Variants in EVC2 observed in about 807,000 individuals in gnomAD.
EVC2 encodes limbin.
Under a neutral mutation model 149.3 loss-of-function variants are expected in EVC2, and 148 were observed. The observed-to-expected ratio is 0.99, with a 90% CI of 0.87 to 1.14. EVC2 has a LOEUF of 1.14. Among genes scored for constraint, EVC2 ranks in the 50% most tolerant of loss-of-function variants. EVC2 has a pLI of 0.00. For missense variants in EVC2, 1,854 were observed against 1,627.3 expected (o/e 1.14, Z -2.40); for synonymous variants, 776 against 649.9 (o/e 1.19, Z -2.95).
At chr4:5,691,193 G>T in intron 4 of EVC2, 72 bp downstream of exon 4, 1 of 1,324,436 alleles carries the variant, frequency 7.6e-7, no homozygotes, top group Non-Finnish European at 1.1e-6. Context: ...TTAAATACAT[G>T]ACTCTAATAA....
rs1208168465 is a variant in EVC2, at chr4:5,571,317, C to CAAA, written c.3361-2680_3361-2678dup. Among the ~76,000 whole-genome samples the CAAA allele has an allele frequency of 1.7e-3, 135 of 78,160 alleles. 6 individuals are homozygous for CAAA. The highest frequency in any genetic ancestry group is 5.1e-3 in the African/African-American group (85 of 16,736). 51.3% of individuals were successfully genotyped at this position (78,160 alleles called of 152,430 possible). ...TGGGTGACAGAGTGAGACTCCATCT[C>CAAA]AAAAAAAAAAAAAAAAAAAAGACTA... On this transcript the variant is annotated intron_variant, in intron 19 of 21. Coordinates refer to ENST00000344408, the MANE Select transcript of EVC2 (RefSeq NM_147127.5).
At chr4:5,628,445 TATGA>T in intron 12 of EVC2, 110 bp downstream of exon 12, 1 of 1,382,856 alleles carries the variant, frequency 7.2e-7, no homozygotes. Context: ...CCTCTAGAAC[TATGA>T]ACCAAATATA....
At chr4:5,632,440 C>T (rs1391202044) in intron 10 of EVC2, among the ~76,000 whole-genome samples, 1 of 152,150 alleles carries the variant, frequency 6.6e-6, no homozygotes, top group African/African-American at 2.4e-5. Flanking sequence ...ACCTGTCCTC[C>T]CCTGTTATCT....
the EVC2 span, among the ~76,000 whole-genome samples, chr4:5,529,211 A>G: frequency 6.6e-6 from 1 of 152,136 alleles, no homozygotes; most frequent in Admixed American, 6.5e-5. The surrounding 1 kb of genome is among the most constrained non-coding windows in gnomAD (Gnocchi z 4.5). Flanking sequence ...AGGCTACCTC[A>G]TTCAGGGGGT....
Position 5,685,444 on chromosome 4 carries a change from G to C in EVC2, c.742C>G (p.Leu248Val), listed in dbSNP as rs771639161. ...CCGTTCCCGAGGTCTCCAGCCTGGA[G>C]CGTGGCTGCGTAGCTGACAGCAAAG... ...DAFAVSYAAT[L>V]QAGDLGNGES... The change falls in exon 6 of 22, where the codon CTC (leucine) becomes GTC (valine). Residue 248 changes from leucine to valine, a missense_variant. Transcript: ENST00000344408. 6.2e-7 allele frequency: 1 copy of C among 1,614,236 alleles called. No homozygotes were observed. The highest frequency in any genetic ancestry group is 2.2e-5 in the East Asian group (1 of 44,880).
rs185533576 is a variant in EVC2 at position 5,608,879 on chromosome 4, C to A, written c.2829+6543G>T. On this transcript the variant is annotated intron_variant, in intron 16 of 21. Coordinates refer to ENST00000344408, the MANE Select transcript of EVC2 (RefSeq NM_147127.5). ...CAGCAGATAGTAGAGATTACCCTCC[C>A]CAATGTTGGTGGCTGTCATCGAATC... 2.6e-5 allele frequency among the ~76,000 whole-genome samples: 4 copies of A among 152,238 alleles called. No homozygotes were observed. In the South Asian group the frequency reaches 6.2e-4, roughly 24 times the overall value.
chr4:5,573,962 T>C (rs1325441552), intron 19 of EVC2, among the ~76,000 whole-genome samples: 1 of 152,192 alleles, frequency 6.6e-6, no homozygotes, highest in East Asian at 1.9e-4. Context: ...CTTTGACCTC[T>C]TCCCTCCTTG....
chr4:5,543,207 C>A (rs746011728), exon 22 of EVC2: 2 of 1,289,780 alleles, frequency 1.6e-6, no homozygotes, highest in Middle Eastern at 2.1e-4. Flanking sequence ...CTCTTGGTTC[C>A]CTGACCTGGA....
chr4:5,531,397 G>T, the EVC2 span, among the ~76,000 whole-genome samples: 2 of 152,156 alleles, frequency 1.3e-5, no homozygotes, highest in South Asian at 2.1e-4. Flanking sequence ...TAAGTCAGGG[G>T]TCTCCAACCC....
At chr4:5,594,702 G>A (rs958699446) in intron 16 of EVC2, among the ~76,000 whole-genome samples, 12 of 152,284 alleles carry the variant, frequency 7.9e-5, no homozygotes, top group Middle Eastern at 3.4e-3. Flanking sequence ...CACCAGCAAC[G>A]GAACAAAGCT....
chr4:5,589,942 G>C (rs1712635678), intron 16 of EVC2, among the ~76,000 whole-genome samples: 1 of 152,124 alleles, frequency 6.6e-6, no homozygotes, highest in Non-Finnish European at 1.5e-5. Flanking sequence ...GGTTCCATAA[G>C]GGAGGTCTGT....
intron 17 of EVC2, among the ~76,000 whole-genome samples, chr4:5,581,485 G>A (rs904116687): frequency 6.6e-6 from 1 of 152,206 alleles, no homozygotes; most frequent in Non-Finnish European, 1.5e-5. Context: ...CAGACTGGTG[G>A]CATTGTGCCC....
At position 5,706,341 on chromosome 4, in the gene EVC2, C is replaced by CATAG. The variant is rs1378072049; in HGVS notation, c.228+1941_228+1944dup. 5.7e-3 allele frequency among the ~76,000 whole-genome samples: 62 copies of CATAG among 10,922 alleles called. 8 individuals are homozygous for CATAG. The highest frequency in any genetic ancestry group is 9.6e-3 in the African/African-American group (25 of 2,600). 7.2% of individuals were successfully genotyped at this position (10,922 alleles called of 152,430 possible). A position where few individuals can be genotyped will look rare whatever the true frequency, so the allele number is the denominator to read the frequency against. ...AGATACATAGATAGATAGATAGATA[C>CATAG]ATAGATAGATAGACACATAGATAGA... is the stretch of plus-strand genomic sequence containing the variant. On this transcript the variant is annotated intron_variant, in intron 1 of 21. Transcript: ENST00000344408.
At chr4:5,564,677 C>T (rs1364609139) in intron 21 of EVC2, among the ~76,000 whole-genome samples, 1 of 152,232 alleles carries the variant, frequency 6.6e-6, no homozygotes. Context: ...TCACAGAAGA[C>T]ATTGGACAAT....
At chr4:5,532,610 T>C in the EVC2 span, among the ~76,000 whole-genome samples, 2 of 152,102 alleles carry the variant, frequency 1.3e-5, no homozygotes, top group Non-Finnish European at 2.9e-5. Context: ...CCGGGGTCAG[T>C]TGTGTCCTTC....
At chr4:5,537,478 G>A in the EVC2 span, among the ~76,000 whole-genome samples, 1 of 152,292 alleles carries the variant, frequency 6.6e-6, no homozygotes, top group Admixed American at 6.5e-5. Flanking sequence ...ATTTGGTAGA[G>A]GACTCAGAAC....
rs1298214581 is a variant in EVC2, at chr4:5,636,093, C to A, written c.1471-4061G>T. Among the ~76,000 whole-genome samples, 1 of 152,158 alleles carries A rather than the reference C, an allele frequency of 6.6e-6. No individual in the cohort carries two copies. The highest frequency in any genetic ancestry group is 2.4e-5 in the African/African-American group (1 of 41,430). On this transcript the variant is annotated intron_variant, in intron 10 of 21. Coordinates refer to ENST00000344408, the MANE Select transcript of EVC2 (RefSeq NM_147127.5). The surrounding 1 kb of genome is among the most constrained non-coding windows in gnomAD (Gnocchi z 4.6). ...ATTAACTTACTTATACTCACAACAG[C>A]CCTCTAAGACCTCAGGCATCATGAT...
In EVC2 at chr4:5,562,452, C is replaced by T; in HGVS notation, c.*396G>A. The T allele has an allele frequency of 9.4e-7, 1 of 1,061,276 alleles. No individual in the cohort carries two copies. The highest frequency in any genetic ancestry group is 1.1e-6 in the Non-Finnish European group (1 of 871,854). The allele number at this position is 1,061,276 out of a possible 1,614,324, so 65.7% of individuals were successfully genotyped here. ...GTAATAAACAGCTTTGTGCAAAACA[C>T]ATTTATTTTTTAAAATTCCCTTTAT... On this transcript the variant is annotated 3_prime_UTR_variant, in exon 22 of 22. Transcript: ENST00000344408. This position sits in a 1 kb window ranked among gnomAD's most constrained non-coding sequence, Gnocchi z 4.3.
At chr4:5,619,530 T>A (rs919288742) in intron 14 of EVC2, among the ~76,000 whole-genome samples, 2 of 152,216 alleles carry the variant, frequency 1.3e-5, no homozygotes, top group Admixed American at 6.5e-5. Context: ...GGAGCATGGT[T>A]CTGCCAATGC....
Sources: gnomAD v4.1 joint callset for allele counts (sites outside exome capture counted in the v4.1 genomes callset) on GRCh38, gnomAD v4.1.1 for gene constraint, Gnocchi (gnomAD v3.1) non-coding constraint, MANE v1.5 for transcripts, NCBI Gene and HGNC (gene_info 2026-07-23, HGNC 2026-07-21) for gene names.